NCKAP5: variants seen among roughly 807,000 people sequenced by gnomAD.
NCKAP5 encodes the protein nck-associated protein 5.
In NCKAP5, 92 loss-of-function variants were observed where a neutral mutation model predicts 167.0. The ratio of observed to expected loss-of-function variants is 0.55; its 90% CI spans 0.47 to 0.66. The LOEUF is 0.66. NCKAP5 is among the 30% of genes least tolerant of loss of function. The pLI is 0.00. For missense variants in NCKAP5, 2,378 were observed against 2,315.0 expected (o/e 1.03, Z -0.56); for synonymous variants, 891 against 877.4 (o/e 1.02, Z -0.27).
intron 3 of NCKAP5, among the ~76,000 whole-genome samples, chr2:133,338,428 G>C (rs1000164729): frequency 6.6e-5 from 10 of 152,224 alleles, no homozygotes; most frequent in African/African-American, 1.9e-4. Flanking sequence ...CTAGGAACCT[G>C]AATCATGCAC....
intron 6 of NCKAP5, among the ~76,000 whole-genome samples, chr2:133,028,143 G>A (rs1325512831): frequency 1.4e-4 from 21 of 152,072 alleles, no homozygotes; most frequent in Admixed American, 1.0e-3. Flanking sequence ...CTGTTTCCAA[G>A]CATTCTGAAT....
chr2:132,881,053 T>C (rs2148820911), intron 8 of NCKAP5, among the ~76,000 whole-genome samples: 1 of 152,322 alleles, frequency 6.6e-6, no homozygotes, highest in South Asian at 2.1e-4. Context: ...TCACCAATTG[T>C]CCCAATAATG....
the NCKAP5 span, among the ~76,000 whole-genome samples, chr2:133,627,911 T>C: frequency 6.6e-6 from 1 of 152,200 alleles, no homozygotes; most frequent in East Asian, 1.9e-4. Context: ...CCTTTGAATC[T>C]GGCTTTGGCC....
chr2:133,055,013 C>A (rs1004826500), intron 6 of NCKAP5, among the ~76,000 whole-genome samples: 1 of 152,154 alleles, frequency 6.6e-6, no homozygotes, highest in African/African-American at 2.4e-5. Flanking sequence ...TCTTGAAAGT[C>A]TATTTTGAAC....
chr2:133,412,172 G>C (rs1053419700), intron 3 of NCKAP5, among the ~76,000 whole-genome samples: 2 of 152,134 alleles, frequency 1.3e-5, no homozygotes, highest in African/African-American at 4.8e-5. Flanking sequence ...ATTAGCTCGC[G>C]AGGATAGAGC....
At chr2:133,653,163 A>G in the NCKAP5 span, among the ~76,000 whole-genome samples, 1 of 152,148 alleles carries the variant, frequency 6.6e-6, no homozygotes, top group Non-Finnish European at 1.5e-5. Context: ...TTTTAAGTAA[A>G]TTTGAATATT....
At chr2:132,680,586 GC>G (rs986308071) in intron 19 of NCKAP5, among the ~76,000 whole-genome samples, 8 of 152,092 alleles carry the variant, frequency 5.3e-5, no homozygotes, top group Non-Finnish European at 1.0e-4. Context: ...GGAAAAGGAT[GC>G]ATTTTGAAGA....
At chr2:133,122,206 A>T (rs990969711) in intron 6 of NCKAP5, 9 of 152,242 alleles carry the variant, frequency 5.9e-5, no homozygotes, top group African/African-American at 2.2e-4. Flanking sequence ...AAACGTAAGA[A>T]AAGTGGATTT....
chr2:133,541,356 T>C (rs1484935354), intron 2 of NCKAP5, among the ~76,000 whole-genome samples: 2 of 151,990 alleles, frequency 1.3e-5, no homozygotes, highest in African/African-American at 4.8e-5. Flanking sequence ...GGGAACTACA[T>C]AAATGAGAAC....
chr2:133,572,599 T>C (rs534348008), upstream of NCKAP5, among the ~76,000 whole-genome samples: 1 of 152,312 alleles, frequency 6.6e-6, no homozygotes, highest in South Asian at 2.1e-4. Flanking sequence ...GCACTGAGCC[T>C]TTAGTAATGA....
the NCKAP5 span, among the ~76,000 whole-genome samples, chr2:133,638,112 A>G: frequency 6.6e-6 from 1 of 152,188 alleles, no homozygotes. Context: ...CTCACTCAAG[A>G]ATGAAGTCAA....
intron 3 of NCKAP5, among the ~76,000 whole-genome samples, chr2:133,354,834 C>A (rs1684601792): frequency 6.6e-6 from 1 of 152,016 alleles, no homozygotes; most frequent in African/African-American, 2.4e-5. Context: ...ATAAGACACA[C>A]AAAAAGACAT....
intron 19 of NCKAP5, among the ~76,000 whole-genome samples, chr2:132,696,256 T>C (rs1687298396): frequency 6.6e-6 from 1 of 152,236 alleles, no homozygotes; most frequent in South Asian, 2.1e-4. Context: ...GTTGATCCAT[T>C]CTACAGAAAC....
intron 6 of NCKAP5, among the ~76,000 whole-genome samples, chr2:133,082,665 G>T (rs2080849874): frequency 6.6e-6 from 1 of 152,088 alleles, no homozygotes; most frequent in South Asian, 2.1e-4. Flanking sequence ...CTCTTTTGAG[G>T]CACCTACGTA....
chr2:133,058,257 C>T (rs1017145095), intron 6 of NCKAP5, among the ~76,000 whole-genome samples: 5 of 152,156 alleles, frequency 3.3e-5, no homozygotes, highest in Non-Finnish European at 7.3e-5. Flanking sequence ...TTCTGTAGCC[C>T]ATGGATCAGA....
chr2:133,425,185 GGT>G (rs1313922505), intron 3 of NCKAP5, among the ~76,000 whole-genome samples: 2 of 152,136 alleles, frequency 1.3e-5, no homozygotes, highest in East Asian at 3.9e-4. Flanking sequence ...TCAAACCCAG[GGT>G]GTTGCCTAGG....
intron 5 of NCKAP5, among the ~76,000 whole-genome samples, chr2:133,202,267 C>A (rs529546808): frequency 6.6e-6 from 1 of 151,944 alleles, no homozygotes; most frequent in African/African-American, 2.4e-5. Flanking sequence ...ACAAACCTGA[C>A]AAAAAGAAGA....
At chr2:133,509,425 C>T (rs996262380) in intron 3 of NCKAP5, among the ~76,000 whole-genome samples, 1 of 152,174 alleles carries the variant, frequency 6.6e-6, no homozygotes, top group Non-Finnish European at 1.5e-5. Flanking sequence ...CATTTCCTCT[C>T]TCCAACCTTC....
the NCKAP5 span, among the ~76,000 whole-genome samples, chr2:133,589,242 G>C: frequency 1.3e-5 from 2 of 152,198 alleles, no homozygotes; most frequent in Non-Finnish European, 2.9e-5. Context: ...GGATGAACTC[G>C]GGTTGGGAAT....
Sources: gnomAD v4.1 joint callset for allele counts (sites outside exome capture counted in the v4.1 genomes callset) on GRCh38, gnomAD v4.1.1 for gene constraint, MANE v1.5 for transcripts, NCBI Gene and HGNC (gene_info 2026-07-23, HGNC 2026-07-21) for gene names.